The following SLC7A5 variants were observed in gnomAD, a reference collection of about 807,000 sequenced individuals.
The protein encoded by SLC7A5 is solute carrier family 7 member 5.
Under a neutral mutation model 50.2 loss-of-function variants are expected in SLC7A5, and 23 were observed. The observed-to-expected ratio is 0.46, with a 90% CI of 0.33 to 0.65. The LOEUF is 0.65. Among genes scored for constraint, SLC7A5 ranks in the 30% least tolerant of loss-of-function variants. The pLI is 0.02. For synonymous variants in SLC7A5, 393 were observed against 330.6 expected, an observed-to-expected ratio of 1.19 and a Z score of -2.05; for missense variants, 578 against 684.4, an observed-to-expected ratio of 0.84 and a Z score of 1.73.
At chr16:87,868,105 G>A (rs2055485828) in intron 1 of SLC7A5, among the ~76,000 whole-genome samples, 1 of 138,868 alleles carries the variant, frequency 7.2e-6, no homozygotes, top group African/African-American at 2.7e-5. Flanking sequence ...GACTGAGCGG[G>A]ACTCAGTGTC....
intron 2 of SLC7A5, 115 bp downstream of exon 2, chr16:87,851,609 C>T (rs2055223839): frequency 2.3e-6 from 3 of 1,293,484 alleles, no homozygotes; most frequent in Non-Finnish European, 2.2e-6. Flanking sequence ...CCACGTTGTA[C>T]AGCACTGCAG....
rs1043554758 is a variant in SLC7A5, at chr16:87,833,723, C to G, written c.1468+691G>C. Among the ~76,000 whole-genome samples, 1 of 152,076 alleles carries G rather than the reference C, an allele frequency of 6.6e-6. No homozygotes were observed. The highest frequency in any genetic ancestry group is 2.4e-5 in the African/African-American group (1 of 41,400). Reference sequence around the variant, plus strand: ...TGACATGGGGATCAGCATGTAGGCCCGCAAGCACCCCGGCCTTTTTCTACG... The same window carrying G: ...TGACATGGGGATCAGCATGTAGGCCGGCAAGCACCCCGGCCTTTTTCTACG... On this transcript the variant is annotated intron_variant, in intron 9 of 9. Transcript: ENST00000261622. This position sits in a 1 kb window ranked among gnomAD's most constrained non-coding sequence, Gnocchi z 6.0.
Position 87,869,225 on chromosome 16 carries a change from C to A in SLC7A5, c.198G>T (p.Ser66=). 3 of 1,611,614 alleles carry A rather than the reference C, an allele frequency of 1.9e-6. No individual in the cohort carries two copies. Among genetic ancestry groups the A allele is most frequent in the Middle Eastern group, 3.7e-4 (2 of 5,464 alleles). ...VAIIVGTIIG[S]GIFVTPTGVL... is the part of the protein sequence containing the mutation. ...CGCCCGTGGGCGTCACGAAGATGCC[C>A]GAGCCGATAATGGTCCCCACGATGA... Residue 66 remains serine (S), a synonymous_variant, in exon 1 of 10, where the codon TCG becomes TCT. Transcript: ENST00000261622.
intron 1 of SLC7A5, among the ~76,000 whole-genome samples, chr16:87,867,947 C>A (rs1323941673): frequency 6.6e-6 from 1 of 151,872 alleles, no homozygotes; most frequent in African/African-American, 2.4e-5. Flanking sequence ...AACGCCGTCT[C>A]TACTAAAAAT....
intron 1 of SLC7A5, chr16:87,854,080 C>G (rs796612981): frequency 1.4e-5 from 2 of 142,850 alleles, no homozygotes; most frequent in Admixed American, 6.9e-5. Context: ...CCGCCCCCCC[C>G]CCCACCGCCA....
intron 2 of SLC7A5, among the ~76,000 whole-genome samples, chr16:87,843,853 C>T (rs1295016288): frequency 6.6e-6 from 1 of 152,154 alleles, no homozygotes; most frequent in African/African-American, 2.4e-5. Context: ...GCATCAGCCA[C>T]GAGCCTCTAC....
chr16:87,866,667 A>C (rs1433123902), intron 1 of SLC7A5, among the ~76,000 whole-genome samples: 2 of 151,988 alleles, frequency 1.3e-5, no homozygotes, highest in African/African-American at 2.4e-5. Flanking sequence ...GGGTTTCACC[A>C]TGTTGGCCAG....
chr16:87,852,647 T>TGTGTGTGC lies in SLC7A5; in HGVS notation c.539-799_539-798insGCACACAC, dbSNP rs879455982. On this transcript the variant is annotated intron_variant, in intron 1 of 9. Transcript: ENST00000261622. This position sits in a 1 kb window ranked among gnomAD's most constrained non-coding sequence, Gnocchi z 4.5. ...ACCCAGCTCTGAGCCTCTGTGTGTG[T>TGTGTGTGC]GTGTGTGTGTGTGTGTGTGTGTGTG... Among the ~76,000 whole-genome samples the TGTGTGTGC allele has an allele frequency of 2.0e-3, 266 of 130,948 alleles. No individual in the cohort carries two copies. Among genetic ancestry groups the TGTGTGTGC allele is most frequent in the Non-Finnish European group, 3.0e-3 (191 of 63,462 alleles). The allele number at this position is 130,948 out of a possible 152,430, so 85.9% of individuals were successfully genotyped here.
intron 1 of SLC7A5, among the ~76,000 whole-genome samples, chr16:87,865,363 C>T (rs1344694988): frequency 6.6e-6 from 1 of 152,192 alleles, no homozygotes; most frequent in African/African-American, 2.4e-5. Context: ...AGGGTTGGCA[C>T]TCTAGGGCCT....
At chr16:87,864,346 C>A (rs937739335) in intron 1 of SLC7A5, among the ~76,000 whole-genome samples, 4 of 152,090 alleles carry the variant, frequency 2.6e-5, no homozygotes, top group Non-Finnish European at 2.9e-5. Context: ...CTTTCTATGG[C>A]TTTTCACTGC....
At chr16:87,839,434 C>G (rs1469721097) in intron 5 of SLC7A5, among the ~76,000 whole-genome samples, 1 of 152,222 alleles carries the variant, frequency 6.6e-6, no homozygotes, top group Non-Finnish European at 1.5e-5. Context: ...ATAGCTGGTT[C>G]TGGGTGTGGC....
At chr16:87,858,915 T>C (rs1030389592) in intron 1 of SLC7A5, among the ~76,000 whole-genome samples, 4 of 152,196 alleles carry the variant, frequency 2.6e-5, no homozygotes, top group African/African-American at 9.7e-5. Flanking sequence ...GCTCTGCAGA[T>C]GCAGTGATGG....
intron 1 of SLC7A5, among the ~76,000 whole-genome samples, chr16:87,858,207 T>A (rs1389273837): frequency 1.3e-5 from 2 of 152,180 alleles, no homozygotes; most frequent in African/African-American, 4.8e-5. Flanking sequence ...GAGCCTCCCT[T>A]TCCTGTTTCC....
rs574854206 is a variant in SLC7A5 at position 87,860,431 on chromosome 16, A to C, written c.538+8454T>G. ...ATATAAAGAAAAAGGAAATCTTCGA[A>C]CCCACCTGTGACCAGGAAGCCCATC... is the stretch of plus-strand genomic sequence containing the variant. On this transcript the variant is annotated intron_variant, in intron 1 of 9. Transcript: ENST00000261622. This position sits in a 1 kb window ranked among gnomAD's most constrained non-coding sequence, Gnocchi z 4.8. Among the ~76,000 whole-genome samples, 1 of 150,030 alleles carries C rather than the reference A, an allele frequency of 6.7e-6. No homozygotes were observed. Among genetic ancestry groups the C allele is most frequent in the African/African-American group, 2.5e-5 (1 of 40,630 alleles).
At chr16:87,847,397 G>A (rs2055167508) in intron 2 of SLC7A5, among the ~76,000 whole-genome samples, 1 of 151,734 alleles carries the variant, frequency 6.6e-6, no homozygotes, top group African/African-American at 2.4e-5. Flanking sequence ...AGCCAGATGA[G>A]GGCCAGATGA....
intron 2 of SLC7A5, among the ~76,000 whole-genome samples, chr16:87,843,523 G>A (rs1020638799): frequency 1.3e-5 from 2 of 151,942 alleles, no homozygotes; most frequent in African/African-American, 4.8e-5. Context: ...GCAGCCCAGG[G>A]CAGCTGGACA....
At chr16:87,855,201 T>A (rs1162222629) in intron 1 of SLC7A5, among the ~76,000 whole-genome samples, 1 of 152,212 alleles carries the variant, frequency 6.6e-6, no homozygotes, top group Non-Finnish European at 1.5e-5. Flanking sequence ...TCTCGCCACG[T>A]GCCCTGCTGC....
At position 87,830,982 on chromosome 16, in the gene SLC7A5, G is replaced by C. The variant is rs1428650039; in HGVS notation, c.*1988C>G. ...CCGCCGGCCCCAGTGGGAAGCAGTGGTGCGTGCCTCCAGGGAGCACTTCTC... is the reference window on the plus strand; with the variant it reads ...CCGCCGGCCCCAGTGGGAAGCAGTGCTGCGTGCCTCCAGGGAGCACTTCTC... On this transcript the variant is annotated 3_prime_UTR_variant, in exon 10 of 10. Transcript: ENST00000261622. 1 of 152,296 alleles carries C rather than the reference G, an allele frequency of 6.6e-6. No homozygotes were observed. The highest frequency in any genetic ancestry group is 1.5e-5 in the Non-Finnish European group (1 of 68,074). 9.4% of individuals were successfully genotyped at this position (152,296 alleles called of 1,614,324 possible). A position where few individuals can be genotyped will look rare whatever the true frequency, so the allele number is the denominator to read the frequency against.
intron 2 of SLC7A5, among the ~76,000 whole-genome samples, chr16:87,844,376 G>T (rs2055121250): frequency 6.6e-6 from 1 of 152,196 alleles, no homozygotes; most frequent in South Asian, 2.1e-4. Context: ...AGGCCCTGGG[G>T]AGATGATTTC....
Sources: allele counts gnomAD v4.1 joint callset (sites outside exome capture counted in the v4.1 genomes callset), GRCh38; gene constraint gnomAD v4.1.1; non-coding constraint Gnocchi (gnomAD v3.1); transcripts MANE v1.5; gene names NCBI Gene and HGNC (gene_info 2026-07-23, HGNC 2026-07-21).